Variants in RTRAF observed in about 807,000 individuals in gnomAD.
RTRAF encodes tRNA-splicing ligase complex subunit RTRAF.
Under a neutral mutation model 34.4 loss-of-function variants are expected in RTRAF, and 14 were observed. The ratio of observed to expected loss-of-function variants is 0.41; its 90% CI spans 0.27 to 0.64. The LOEUF is 0.64. Ranked by LOEUF, RTRAF falls within the 30% of genes least tolerant of loss-of-function variation. The probability of loss-of-function intolerance (pLI) is 0.34; values close to 1 mark genes in which losing one functional copy is unlikely to be tolerated. For synonymous variants in RTRAF, 96 were observed against 95.3 expected, an observed-to-expected ratio of 1.01 and a Z score of -0.04; for missense variants, 291 against 288.4, an observed-to-expected ratio of 1.01 and a Z score of -0.06.
At position 52,010,664 on chromosome 14, in the gene RTRAF, C is replaced by T. The variant is rs533747854; in HGVS notation, c.*6148C>T. ...ATATTGTTTATACCAGTCTTGTTTC[C>T]TCCTAATAAAATATAAGTGCCATGA... On this transcript the variant is annotated 3_prime_UTR_variant, in exon 8 of 8. Coordinates refer to ENST00000261700, the MANE Select transcript of RTRAF (RefSeq NM_016039.3). 2.5e-5 allele frequency: 13 copies of T among 518,122 alleles called. No individual in the cohort carries two copies. The highest frequency in any genetic ancestry group is 1.5e-4 in the African/African-American group (8 of 52,924). 32.1% of individuals were successfully genotyped at this position (518,122 alleles called of 1,614,324 possible).
chr14:51,998,902 T>TA lies in RTRAF; in HGVS notation c.373+326dup, dbSNP rs796637836. 4.3e-4 allele frequency among the ~76,000 whole-genome samples: 66 copies of TA among 152,130 alleles called. No individual in the cohort carries two copies. The South Asian group carries it at 5.2e-3, about 12-fold the overall frequency. ...TCCAATGACTCTATCAGACAAGTGG[T>TA]AAAATTTTCCATTATTTTAAGTCCT... On this transcript the variant is annotated intron_variant, in intron 4 of 7. Transcript: ENST00000261700.
At chr14:51,991,463 T>TA in intron 2 of RTRAF, 22 bp downstream of exon 2, 1 of 1,595,110 alleles carries the variant, frequency 6.3e-7, no homozygotes, top group Non-Finnish European at 8.5e-7. Context: ...GGAAGTAAAG[T>TA]AAAAATACAG....
In RTRAF at chr14:52,005,171, A is replaced by ATTCT. The variant is rs1890712055; in HGVS notation, c.*657_*660dup. ...ATCAGGTTTAGAGTCTTAAACTCTA[A>ATTCT]TTCTTAGTTGAATGAATTTGATCTT... On this transcript the variant is annotated 3_prime_UTR_variant, in exon 8 of 8. Transcript: ENST00000261700. 1 of 242,506 alleles carries ATTCT rather than the reference A, an allele frequency of 4.1e-6. No individual in the cohort carries two copies. Among genetic ancestry groups the ATTCT allele is most frequent in the Non-Finnish European group, 7.9e-6 (1 of 126,950 alleles). The allele number at this position is 242,506 out of a possible 1,614,324, so 15.0% of individuals were successfully genotyped here.
chr14:52,002,061 A>G, intron 6 of RTRAF, 195 bp downstream of exon 6: 1 of 559,446 alleles, frequency 1.8e-6, no homozygotes, highest in Non-Finnish European at 3.1e-6. Flanking sequence ...TGAGTGAAAA[A>G]CTTCATGTTC....
At position 51,993,841 on chromosome 14, in the gene RTRAF, G is replaced by A. The variant is rs758977160; in HGVS notation, c.286+19G>A. The A allele has an allele frequency of 7.0e-7, 1 of 1,430,106 alleles. No individual in the cohort carries two copies. Among genetic ancestry groups the A allele is most frequent in the South Asian group, 1.2e-5 (1 of 81,208 alleles). The allele number at this position is 1,430,106 out of a possible 1,614,324, so 88.6% of individuals were successfully genotyped here. On this transcript the variant is annotated intron_variant, in intron 3 of 7. Coordinates refer to ENST00000261700, the MANE Select transcript of RTRAF (RefSeq NM_016039.3). ...GATAATGGTACGTTTTGTGGGGAAT[G>A]TGTATTTTAAAGAGAGAGGAAAGAT...
Position 52,010,640 on chromosome 14 carries a change from T to A in RTRAF, c.*6124T>A. On this transcript the variant is annotated 3_prime_UTR_variant, in exon 8 of 8. Transcript: ENST00000261700. ...TTCTACATATCACATCACAGACTAA[T>A]ATTGTTTATACCAGTCTTGTTTCCT... 4.5e-6 allele frequency: 2 copies of A among 442,788 alleles called. No homozygotes were observed. Among genetic ancestry groups the A allele is most frequent in the Non-Finnish European group, 8.2e-6 (2 of 243,420 alleles). 27.4% of individuals were successfully genotyped at this position (442,788 alleles called of 1,614,324 possible). A position where few individuals can be genotyped will look rare whatever the true frequency, so the allele number is the denominator to read the frequency against.
At position 51,993,892 on chromosome 14, in the gene RTRAF, G is replaced by A; in HGVS notation, c.286+70G>A. ...GGGAAAGGGAGTGTGAAAATGTAGGGAACTTTGCAGTTTGTTTTGTCTAGT... is the reference window on the plus strand; with the variant it reads ...GGGAAAGGGAGTGTGAAAATGTAGGAAACTTTGCAGTTTGTTTTGTCTAGT... On this transcript the variant is annotated intron_variant, in intron 3 of 7. Coordinates refer to ENST00000261700, the MANE Select transcript of RTRAF (RefSeq NM_016039.3). The A allele has an allele frequency of 4.3e-6, 4 of 931,544 alleles. No homozygotes were observed. In the South Asian group the frequency reaches 4.9e-5, roughly 11 times the overall value. The allele number at this position is 931,544 out of a possible 1,614,324, so 57.7% of individuals were successfully genotyped here.
At position 52,006,224 on chromosome 14, in the gene RTRAF, T is replaced by A; in HGVS notation, c.*1708T>A. ...GTAATATAGCTCATGGTATCAAGGG[T>A]AGTCTTATTCTCTAAAGAACATATT... On this transcript the variant is annotated 3_prime_UTR_variant, in exon 8 of 8. Coordinates refer to ENST00000261700, the MANE Select transcript of RTRAF (RefSeq NM_016039.3). The A allele has an allele frequency of 2.5e-6, 1 of 393,560 alleles. No homozygotes were observed. Among genetic ancestry groups the A allele is most frequent in the African/African-American group, 2.0e-5 (1 of 49,762 alleles). The allele number at this position is 393,560 out of a possible 1,614,324, so 24.4% of individuals were successfully genotyped here. A position where few individuals can be genotyped will look rare whatever the true frequency, so the allele number is the denominator to read the frequency against.
At chr14:52,002,237 T>C (rs566274429) in intron 6 of RTRAF, among the ~76,000 whole-genome samples, 1 of 152,374 alleles carries the variant, frequency 6.6e-6, no homozygotes, top group South Asian at 2.1e-4. Context: ...CAAATTAGTT[T>C]TCTTTTTCTA....
Position 52,004,258 on chromosome 14 carries a change from T to TA in RTRAF, c.580+19dup, listed in dbSNP as rs1890665597. On this transcript the variant is annotated intron_variant, in intron 7 of 7. Coordinates refer to ENST00000261700, the MANE Select transcript of RTRAF (RefSeq NM_016039.3). ...GACACAGGAGGTAAGTGATTTTGTTTAAATTCAAACTATTTTTTTTACAGA... is the reference window on the plus strand; with the variant it reads ...GACACAGGAGGTAAGTGATTTTGTTTAAAATTCAAACTATTTTTTTTACAGA... The TA allele has an allele frequency of 6.2e-7, 1 of 1,612,758 alleles. No individual in the cohort carries two copies. The highest frequency in any genetic ancestry group is 2.2e-5 in the East Asian group (1 of 44,854).
Position 52,007,819 on chromosome 14 carries a change from C to T in RTRAF, c.*3303C>T. 6.2e-7 allele frequency: 1 copy of T among 1,613,660 alleles called. No homozygotes were observed. The highest frequency in any genetic ancestry group is 8.5e-7 in the Non-Finnish European group (1 of 1,179,768). On this transcript the variant is annotated 3_prime_UTR_variant, in exon 8 of 8. Coordinates refer to ENST00000261700, the MANE Select transcript of RTRAF (RefSeq NM_016039.3). ...CCATCAGTAGTATTACCTGCATCTG[C>T]CCAGCAGAGCAGTTTAGAGAAAGGG...
chr14:52,005,926 G>C lies in RTRAF; in HGVS notation c.*1410G>C, dbSNP rs1890761309. 2.7e-6 allele frequency: 3 copies of C among 1,131,552 alleles called. No individual in the cohort carries two copies. Among genetic ancestry groups the C allele is most frequent in the African/African-American group, 3.0e-5 (2 of 65,718 alleles). The allele number at this position is 1,131,552 out of a possible 1,614,324, so 70.1% of individuals were successfully genotyped here. ...GAAGTCAGTCAGCCACAGAAAATCA[G>C]TTGCAATAGAGGAAAATTTCTGGCA... On this transcript the variant is annotated 3_prime_UTR_variant, in exon 8 of 8. Coordinates refer to ENST00000261700, the MANE Select transcript of RTRAF (RefSeq NM_016039.3).
chr14:52,007,651 A>G lies in RTRAF; in HGVS notation c.*3135A>G. 1 of 697,118 alleles carries G rather than the reference A, an allele frequency of 1.4e-6. No individual in the cohort carries two copies. Among genetic ancestry groups the G allele is most frequent in the South Asian group, 1.8e-5 (1 of 56,106 alleles). 43.2% of individuals were successfully genotyped at this position (697,118 alleles called of 1,614,324 possible). ...CCCAAACCCCAGAAAGTTCATTTTAAGACTCATTTACTAGTACTTAAATTT... is the reference window on the plus strand; with the variant it reads ...CCCAAACCCCAGAAAGTTCATTTTAGGACTCATTTACTAGTACTTAAATTT... On this transcript the variant is annotated 3_prime_UTR_variant, in exon 8 of 8. Transcript: ENST00000261700.
chr14:52,005,747 G>GTAGGGGTAGACTGCAGTTATCCCGT lies in RTRAF; in HGVS notation c.*1232_*1256dup. 1 of 1,612,504 alleles carries GTAGGGGTAGACTGCAGTTATCCCGT rather than the reference G, an allele frequency of 6.2e-7. No homozygotes were observed. The highest frequency in any genetic ancestry group is 8.5e-7 in the Non-Finnish European group (1 of 1,178,508). On this transcript the variant is annotated 3_prime_UTR_variant, in exon 8 of 8. Transcript: ENST00000261700. ...AAGCATACTTTTTACCTGTTGGGCA[G>GTAGGGGTAGACTGCAGTTATCCCGT]TAGGGGTAGACTGCAGTTATCCCGT...
chr14:51,991,230 C>A, intron 1 of RTRAF, 87 bp from the exon 2 acceptor site: 1 of 1,370,938 alleles, frequency 7.3e-7, no homozygotes, highest in South Asian at 1.3e-5. Context: ...AAGAAAATTC[C>A]ACAAGAACAT....
Position 52,005,404 on chromosome 14 carries a change from A to T in RTRAF, c.*888A>T. 1.5e-6 allele frequency: 2 copies of T among 1,358,302 alleles called. No individual in the cohort carries two copies. The highest frequency in any genetic ancestry group is 9.8e-7 in the Non-Finnish European group (1 of 1,016,676). 84.1% of individuals were successfully genotyped at this position (1,358,302 alleles called of 1,614,324 possible). On this transcript the variant is annotated 3_prime_UTR_variant, in exon 8 of 8. Coordinates refer to ENST00000261700, the MANE Select transcript of RTRAF (RefSeq NM_016039.3). ...ACGTCTAATGGCCAATTCCTTTTTTACTTTCTTTGCCTTTGCAGTCACTGT... is the reference window on the plus strand; with the variant it reads ...ACGTCTAATGGCCAATTCCTTTTTTTCTTTCTTTGCCTTTGCAGTCACTGT...
Position 52,001,798 on chromosome 14 carries a change from G to A in RTRAF, c.463G>A (p.Ala155Thr). ...GTAAAAATATTTTTGGGTTTCTTAG[G>A]CAATTCGGATTTTGGTTCAGGAGCG... ...RHDDYLVMLK[A>T]IRILVQERLT... The change falls in exon 6 of 8, where the codon GCA (alanine) becomes ACA (threonine). Residue 155 changes from alanine (A) to threonine (T), a missense_variant and splice_region_variant. Transcript: ENST00000261700. 6.2e-7 allele frequency: 1 copy of A among 1,611,458 alleles called. No homozygotes were observed. The highest frequency in any genetic ancestry group is 1.1e-5 in the South Asian group (1 of 90,654).
Position 51,999,747 on chromosome 14 carries a change from C to G in RTRAF, c.413C>G (p.Ala138Gly). 6.2e-7 allele frequency: 1 copy of G among 1,610,510 alleles called. No individual in the cohort carries two copies. The highest frequency in any genetic ancestry group is 8.5e-7 in the Non-Finnish European group (1 of 1,177,468). Residue 138 changes from alanine to glycine, a missense_variant, in exon 5 of 8, where the codon GCT becomes GGT. Coordinates refer to ENST00000261700, the MANE Select transcript of RTRAF (RefSeq NM_016039.3). ...PDFKAGVMALANLLQIQRHDD... is the reference protein window; with the variant it reads ...PDFKAGVMALGNLLQIQRHDD... ...TTTAAGGCTGGTGTGATGGCTTTGG[C>G]TAACCTGCTTCAGATTCAGCGTCAT...
Position 52,010,003 on chromosome 14 carries a change from A to C in RTRAF, c.*5487A>C, listed in dbSNP as rs1316384215. 6.6e-6 allele frequency: 1 copy of C among 152,258 alleles called. No individual in the cohort carries two copies. The highest frequency in any genetic ancestry group is 1.5e-5 in the Non-Finnish European group (1 of 68,090). 9.4% of individuals were successfully genotyped at this position (152,258 alleles called of 1,614,324 possible). The stretch of plus-strand genomic sequence containing the variant: ...CCTTGTCTCAAAAAAAAGAAAAAAA[A>C]AAGAAAAAAGGACCTTCCAAATGTC... On this transcript the variant is annotated 3_prime_UTR_variant, in exon 8 of 8. Coordinates refer to ENST00000261700, the MANE Select transcript of RTRAF (RefSeq NM_016039.3).
Sources: allele counts gnomAD v4.1 joint callset (sites outside exome capture counted in the v4.1 genomes callset), GRCh38; gene constraint gnomAD v4.1.1; transcripts MANE v1.5; gene names NCBI Gene and HGNC (gene_info 2026-07-23, HGNC 2026-07-21).